The following TIMM21 variants were observed in gnomAD, a reference collection of about 807,000 sequenced individuals.
The protein encoded by TIMM21 is mitochondrial import inner membrane translocase subunit Tim21.
In TIMM21, 30 loss-of-function variants were observed where a neutral mutation model predicts 27.7. The observed-to-expected ratio is 1.08, with a 90% CI of 0.81 to 1.47. TIMM21 has a LOEUF of 1.47. Among genes scored for constraint, TIMM21 ranks in the 40% most tolerant of loss-of-function variants. The pLI is 0.00. For missense variants in TIMM21, 292 were observed against 302.9 expected (o/e 0.96, Z 0.27); for synonymous variants, 121 against 114.4 (o/e 1.06, Z -0.37).
At chr18:74,154,488 C>G (rs1979896002) in intron 1 of TIMM21, among the ~76,000 whole-genome samples, 1 of 151,994 alleles carries the variant, frequency 6.6e-6, no homozygotes, top group Admixed American at 6.6e-5. Context: ...GTCTCGATCT[C>G]CTGACCTCGT....
In TIMM21 at chr18:74,148,545, C is replaced by T. The variant is rs367977338; in HGVS notation, c.-264C>T. 3.5e-4 allele frequency: 118 copies of T among 338,882 alleles called. No individual in the cohort carries two copies. The East Asian group carries it at 4.0e-3, about 11-fold the overall frequency. The allele number at this position is 338,882 out of a possible 1,614,324, so 21.0% of individuals were successfully genotyped here. ...CCCAGGTGACTTTGCGAAGGCATGG[C>T]GGGGACACTGTGAATGTCAGCCCAG... On this transcript the variant is annotated 5_prime_UTR_variant, in exon 1 of 6. Transcript: ENST00000169551.
At chr18:74,151,937 T>TCCA (rs1555682294) in intron 1 of TIMM21, among the ~76,000 whole-genome samples, 6 of 94,294 alleles carry the variant, frequency 6.4e-5, no homozygotes, top group African/African-American at 3.6e-4. Context: ...GTGTCTATGT[T>TCCA]CCCCCCCCCC....
rs1438088682 is a variant in TIMM21 at position 74,155,158 on chromosome 18, AAG to A, written c.319_320del (p.Asp107PhefsTer32). 1 of 1,614,216 alleles carries A rather than the reference AAG, an allele frequency of 6.2e-7. No individual in the cohort carries two copies. The highest frequency in any genetic ancestry group is 2.2e-5 in the East Asian group (1 of 44,884). ...PTSQKVKEAG[R>X]DFTYLIVVLF... The stretch of plus-strand genomic sequence containing the variant: ...TTCTCTTCACAGTGAAAGAAGCCGG[AAG>A]AGATTTTACCTATTTAATAGTGGTG... On this transcript the variant is annotated frameshift_variant, in exon 2 of 6. Coordinates refer to ENST00000169551, the MANE Select transcript of TIMM21 (RefSeq NM_014177.3). LOFTEE classifies it high-confidence loss of function.
rs1304053181 is a variant in TIMM21 at position 74,158,930 on chromosome 18, G to T, written c.*450G>T. On this transcript the variant is annotated 3_prime_UTR_variant, in exon 6 of 6. Transcript: ENST00000169551. ...ATGTGAAAATGGTTGAGGGCCATAG[G>T]GAACCAGATGGTAAATACATTCTTC... 5.8e-6 allele frequency: 1 copy of T among 171,254 alleles called. No individual in the cohort carries two copies. The highest frequency in any genetic ancestry group is 1.2e-5 in the Non-Finnish European group (1 of 81,274). 10.6% of individuals were successfully genotyped at this position (171,254 alleles called of 1,614,324 possible).
At position 74,148,901 on chromosome 18, in the gene TIMM21, C is replaced by T; in HGVS notation, c.93C>T (p.Asn31=). The stretch of plus-strand genomic sequence containing the variant: ...TGCTTTTGCCATACATCGTGCTTAA[C>T]AAAGCGTGCTTGAAGACTGAGCCCA... ...KRLLLPYIVL[N]KACLKTEPSL... Residue 31 remains asparagine (N), a synonymous_variant, in exon 1 of 6, where the codon AAC becomes AAT. Transcript: ENST00000169551. The T allele has an allele frequency of 6.2e-7, 1 of 1,614,208 alleles. No individual in the cohort carries two copies. Among genetic ancestry groups the T allele is most frequent in the South Asian group, 1.1e-5 (1 of 91,086 alleles).
rs758310130 is a variant in TIMM21 at position 74,155,223 on chromosome 18, A to G, written c.364+16A>G. 1 of 1,614,164 alleles carries G rather than the reference A, an allele frequency of 6.2e-7. No individual in the cohort carries two copies. Among genetic ancestry groups the G allele is most frequent in the Admixed American group, 1.7e-5 (1 of 60,030 alleles). Reference sequence around the variant, plus strand: ...AGCATTACAGGTTGCAAAAAACAGCAAGTATAAGCCCTTGAATATTTTTTA... The same window carrying G: ...AGCATTACAGGTTGCAAAAAACAGCGAGTATAAGCCCTTGAATATTTTTTA... On this transcript the variant is annotated intron_variant, in intron 2 of 5. Transcript: ENST00000169551.
intron 3 of TIMM21, chr18:74,156,597 A>G (rs1042068018): frequency 3.7e-6 from 1 of 271,318 alleles, no homozygotes; most frequent in African/African-American, 2.2e-5. Flanking sequence ...TCTGACAAGA[A>G]ACATTCTTTA....
chr18:74,158,515 C>A lies in TIMM21; in HGVS notation c.*35C>A. 1 of 1,297,854 alleles carries A rather than the reference C, an allele frequency of 7.7e-7. No homozygotes were observed. Among genetic ancestry groups the A allele is most frequent in the Non-Finnish European group, 1.1e-6 (1 of 906,644 alleles). The allele number at this position is 1,297,854 out of a possible 1,614,324, so 80.4% of individuals were successfully genotyped here. A position where few individuals can be genotyped will look rare whatever the true frequency, so the allele number is the denominator to read the frequency against. The stretch of plus-strand genomic sequence containing the variant: ...TCTGATGGATGTTGAATGGCGTGGA[C>A]TCGCTACTCCGTTCTTCACAGCTGC... On this transcript the variant is annotated 3_prime_UTR_variant, in exon 6 of 6. Coordinates refer to ENST00000169551, the MANE Select transcript of TIMM21 (RefSeq NM_014177.3).
chr18:74,151,820 G>A (rs1416539513), intron 1 of TIMM21, among the ~76,000 whole-genome samples: 1 of 151,924 alleles, frequency 6.6e-6, no homozygotes, highest in Non-Finnish European at 1.5e-5. Context: ...AGTTCCCAGG[G>A]TGCTTGCCTG....
rs1054883378 is a variant in TIMM21 at position 74,156,492 on chromosome 18, T to C, written c.462+1089T>C. On this transcript the variant is annotated intron_variant, in intron 3 of 5. Transcript: ENST00000169551. ...AGCTCTGGACAGCCAGTGGTAACCA[T>C]GGAGAAAGGCAGGGAGGATAAAGTA... The C allele has an allele frequency of 3.3e-5, 13 of 390,998 alleles. No homozygotes were observed. In the South Asian group the frequency reaches 8.6e-4, roughly 26 times the overall value. 24.2% of individuals were successfully genotyped at this position (390,998 alleles called of 1,614,324 possible).
chr18:74,153,205 G>A (rs565402394), intron 1 of TIMM21, among the ~76,000 whole-genome samples: 1 of 152,334 alleles, frequency 6.6e-6, no homozygotes, highest in Non-Finnish European at 1.5e-5. Flanking sequence ...AGCTTCCATT[G>A]GAGACAGCTA....
At position 74,148,943 on chromosome 18, in the gene TIMM21, T is replaced by C; in HGVS notation, c.135T>C (p.Leu45=). The C allele has an allele frequency of 3.7e-6, 6 of 1,614,086 alleles. No homozygotes were observed. The highest frequency in any genetic ancestry group is 4.2e-6 in the Non-Finnish European group (5 of 1,180,014). The change falls in exon 1 of 6, where the codon CTT becomes CTC. Residue 45 remains leucine (L), a synonymous_variant. Coordinates refer to ENST00000169551, the MANE Select transcript of TIMM21 (RefSeq NM_014177.3). ...LKTEPSLRCG[L]QYQKKTLRPR... ...CTGAGCCCAGTTTGAGATGTGGGCT[T>C]CAATATCAAAAGAAAACGCTGCGAC...
rs753251059 is a variant in TIMM21 at position 74,158,440 on chromosome 18, G to A, written c.707G>A (p.Arg236Lys). 3 of 1,601,774 alleles carry A rather than the reference G, an allele frequency of 1.9e-6. No individual in the cohort carries two copies. The highest frequency in any genetic ancestry group is 1.1e-5 in the South Asian group (1 of 90,626). Residue 236 changes from arginine to lysine, a missense_variant, in exon 6 of 6, where the codon AGA becomes AAA. Transcript: ENST00000169551. ...IFVEIESYPRRTIIIEDNRSQ... is the reference protein window; with the variant it reads ...IFVEIESYPRKTIIIEDNRSQ... ...GTAGAAATTGAATCTTATCCTAGAA[G>A]AACTATTATCATTGAAGATAATCGA...
intron 1 of TIMM21, among the ~76,000 whole-genome samples, chr18:74,154,578 T>C (rs970520646): frequency 3.3e-5 from 5 of 152,220 alleles, no homozygotes; most frequent in African/African-American, 9.6e-5. Context: ...ACTGTCTTGA[T>C]TGAGTTTCTC....
At position 74,155,347 on chromosome 18, in the gene TIMM21, T is replaced by C; in HGVS notation, c.406T>C (p.Ser136Pro). 1 of 1,613,722 alleles carries C rather than the reference T, an allele frequency of 6.2e-7. No individual in the cohort carries two copies. Among genetic ancestry groups the C allele is most frequent in the Non-Finnish European group, 8.5e-7 (1 of 1,179,956 alleles). ...YTIFKELFSS[S>P]SPSKIYGRAL... Reference sequence around the variant, plus strand: ...GATTTTCAAAGAACTTTTTTCTTCATCCAGTCCTAGCAAGATATATGGGAG... The same window carrying C: ...GATTTTCAAAGAACTTTTTTCTTCACCCAGTCCTAGCAAGATATATGGGAG... The change falls in exon 3 of 6, where the codon TCC becomes CCC. Residue 136 changes from serine (S) to proline (P), a missense_variant. Transcript: ENST00000169551.
chr18:74,148,619 G>A lies in TIMM21; in HGVS notation c.-190G>A. 1 of 551,358 alleles carries A rather than the reference G, an allele frequency of 1.8e-6. No individual in the cohort carries two copies. The highest frequency in any genetic ancestry group is 1.9e-5 in the African/African-American group (1 of 53,990). 34.2% of individuals were successfully genotyped at this position (551,358 alleles called of 1,614,324 possible). ...AAAATGGAAAGAAGACAGAAGGGAA[G>A]GTAGACATCAGGTTCTCCCTGGAGA... is the stretch of plus-strand genomic sequence containing the variant. On this transcript the variant is annotated 5_prime_UTR_variant, in exon 1 of 6. Transcript: ENST00000169551.
chr18:74,152,566 C>T lies in TIMM21; in HGVS notation c.302-2579C>T, dbSNP rs1360326698. On this transcript the variant is annotated intron_variant, in intron 1 of 5. Coordinates refer to ENST00000169551, the MANE Select transcript of TIMM21 (RefSeq NM_014177.3). The surrounding 1 kb of genome is among the most constrained non-coding windows in gnomAD (Gnocchi z 4.1). ...TCCGCCAGCATTCCATCCCAGGTCC[C>T]CATTGGTGAGAGCTGCATCAGCTGC... is the stretch of plus-strand genomic sequence containing the variant. Among the ~76,000 whole-genome samples, 1 of 152,178 alleles carries T rather than the reference C, an allele frequency of 6.6e-6. No homozygotes were observed. The highest frequency in any genetic ancestry group is 1.5e-5 in the Non-Finnish European group (1 of 68,032).
Position 74,158,107 on chromosome 18 carries a change from G to T in TIMM21, c.536+20G>T, listed in dbSNP as rs1187543350. On this transcript the variant is annotated intron_variant, in intron 4 of 5. Coordinates refer to ENST00000169551, the MANE Select transcript of TIMM21 (RefSeq NM_014177.3). ...TGTCAGGTACTGTGGCTTGAATTCAGAGGAGGCTCTGGGGAGATTTTTAAA... is the reference window on the plus strand; with the variant it reads ...TGTCAGGTACTGTGGCTTGAATTCATAGGAGGCTCTGGGGAGATTTTTAAA... 3.1e-6 allele frequency: 5 copies of T among 1,614,004 alleles called. No homozygotes were observed. The highest frequency in any genetic ancestry group is 4.2e-6 in the Non-Finnish European group (5 of 1,179,984).
intron 3 of TIMM21, chr18:74,157,310 A>G (rs1299094336): frequency 6.6e-6 from 1 of 152,202 alleles, no homozygotes; most frequent in African/African-American, 2.4e-5. Flanking sequence ...ATTAGATGCT[A>G]TTAATTAATT....
Sources: gnomAD v4.1 joint callset for allele counts (sites outside exome capture counted in the v4.1 genomes callset) on GRCh38, gnomAD v4.1.1 for gene constraint, Gnocchi (gnomAD v3.1) non-coding constraint, MANE v1.5 for transcripts, NCBI Gene and HGNC (gene_info 2026-07-23, HGNC 2026-07-21) for gene names.